Variants in CSMD2 observed in about 807,000 individuals in gnomAD.
The protein encoded by CSMD2 is CUB and Sushi multiple domains 2, also known as CUB and sushi domain-containing protein 2.
In CSMD2, 130 loss-of-function variants were observed where a neutral mutation model predicts 398.5. That is an observed-to-expected ratio of 0.33 (90% CI 0.28 to 0.38). The LOEUF (loss-of-function observed/expected upper bound fraction) is 0.38. CSMD2 is among the 10% of genes least tolerant of loss of function. The probability of loss-of-function intolerance (pLI) is 1.00; values close to 1 mark genes in which losing one functional copy is unlikely to be tolerated. For synonymous variants in CSMD2, 1,828 were observed against 1,908.5 expected (o/e 0.96, Z 1.10); for missense variants, 3,829 against 4,764.9 (o/e 0.80, Z 5.78).
chr1:33,838,229 ACTCCTT>A (rs1228314846), intron 6 of CSMD2, among the ~76,000 whole-genome samples: 16 of 151,778 alleles, frequency 1.1e-4, no homozygotes, highest in Non-Finnish European at 1.9e-4. Context: ...TCCTGCCACT[ACTCCTT>A]CTCCAAATCC....
chr1:33,960,840 T>C (rs1353856091), intron 3 of CSMD2, among the ~76,000 whole-genome samples: 4 of 152,218 alleles, frequency 2.6e-5, no homozygotes, highest in Admixed American at 2.6e-4. Flanking sequence ...GGGACATATC[T>C]GGTTTGAGGG....
In CSMD2 at chr1:34,164,840, G is replaced by A. The variant is rs1408692914; in HGVS notation, c.187+71C>T. On this transcript the variant is annotated intron_variant, in intron 1 of 70. Coordinates refer to ENST00000373381, the MANE Select transcript of CSMD2 (RefSeq NM_001281956.2). The surrounding 1 kb of genome is among the most constrained non-coding windows in gnomAD (Gnocchi z 6.2). ...CGGGGGGAGGGACTGGGACCGGGTC[G>A]AGGATGGGTGGGCTCGGGGCTCGGG... 2.1e-5 allele frequency: 25 copies of A among 1,169,662 alleles called. No homozygotes were observed. Among genetic ancestry groups the A allele is most frequent in the Admixed American group, 4.5e-5 (1 of 22,272 alleles). The allele number at this position is 1,169,662 out of a possible 1,614,324, so 72.5% of individuals were successfully genotyped here. A position where few individuals can be genotyped will look rare whatever the true frequency, so the allele number is the denominator to read the frequency against.
chr1:34,093,829 ACT>A (rs1288079333), intron 1 of CSMD2, among the ~76,000 whole-genome samples: 2 of 152,126 alleles, frequency 1.3e-5, no homozygotes, highest in East Asian at 3.9e-4. Flanking sequence ...GTTGGAAAAC[ACT>A]CTGCAGGATA....
intron 22 of CSMD2, among the ~76,000 whole-genome samples, chr1:33,703,609 T>C (rs896889711): frequency 2.0e-5 from 3 of 152,194 alleles, no homozygotes; most frequent in African/African-American, 7.2e-5. Flanking sequence ...CTATACACAA[T>C]TACAAACAAT....
intron 32 of CSMD2, among the ~76,000 whole-genome samples, chr1:33,627,794 T>C (rs113903428): frequency 2.2e-4 from 34 of 152,278 alleles, no homozygotes; most frequent in African/African-American, 7.0e-4. Context: ...ATCACTGCCA[T>C]CTCCAACTCC....
chr1:33,852,001 C>A (rs988223703), intron 5 of CSMD2, among the ~76,000 whole-genome samples: 1 of 152,018 alleles, frequency 6.6e-6, no homozygotes, highest in Non-Finnish European at 1.5e-5. Context: ...TTTAAAGATT[C>A]AATTCCCGGC....
chr1:33,988,288 T>C (rs1646429818), intron 3 of CSMD2, among the ~76,000 whole-genome samples: 1 of 152,192 alleles, frequency 6.6e-6, no homozygotes. Flanking sequence ...CCGAGTGACA[T>C]GTGATGGCAC....
intron 19 of CSMD2, among the ~76,000 whole-genome samples, chr1:33,721,337 G>A (rs1321154136): frequency 6.6e-6 from 1 of 151,140 alleles, no homozygotes; most frequent in Non-Finnish European, 1.5e-5. Flanking sequence ...GGCTTGTTCA[G>A]CTGTTTTCCT....
chr1:33,995,615 C>T lies in CSMD2; in HGVS notation c.517+36979G>A, dbSNP rs546661569. On this transcript the variant is annotated intron_variant, in intron 3 of 70. Coordinates refer to ENST00000373381, the MANE Select transcript of CSMD2 (RefSeq NM_001281956.2). ...GAGATCCTGCTCAGCTCTCAGGAGA[C>T]AGAAAAACATGGCAGCTATCTCACC... is the stretch of plus-strand genomic sequence containing the variant. 2.0e-5 allele frequency among the ~76,000 whole-genome samples: 3 copies of T among 152,280 alleles called. No individual in the cohort carries two copies. In the East Asian group the frequency reaches 5.8e-4, roughly 29 times the overall value.
chr1:33,708,282 G>T (rs1260041205), intron 22 of CSMD2, among the ~76,000 whole-genome samples: 1 of 151,922 alleles, frequency 6.6e-6, no homozygotes, highest in Non-Finnish European at 1.5e-5. Context: ...GGCCATCATC[G>T]TAGTACACTG....
chr1:34,001,231 T>G (rs529664890), intron 3 of CSMD2, among the ~76,000 whole-genome samples: 1 of 152,158 alleles, frequency 6.6e-6, no homozygotes, highest in South Asian at 2.1e-4. Flanking sequence ...CAAAAGAAAT[T>G]CAACATATCC....
intron 3 of CSMD2, among the ~76,000 whole-genome samples, chr1:34,011,401 G>A (rs1647304780): frequency 1.3e-5 from 2 of 152,238 alleles, no homozygotes; most frequent in African/African-American, 2.4e-5. Context: ...TTTGCTCTGA[G>A]GTGAGGTAAA....
intron 1 of CSMD2, among the ~76,000 whole-genome samples, chr1:34,110,501 G>T (rs1364007590): frequency 6.6e-6 from 1 of 151,776 alleles, no homozygotes; most frequent in Admixed American, 6.6e-5. Flanking sequence ...ACCATGGAAT[G>T]CTATCCAGCC....
At chr1:33,833,439 C>G (rs549386939) in intron 6 of CSMD2, among the ~76,000 whole-genome samples, 11 of 151,076 alleles carry the variant, frequency 7.3e-5, no homozygotes, top group South Asian at 4.3e-4. Flanking sequence ...AGGCCTTTGA[C>G]AAAATTCAAC....
chr1:33,974,683 G>A (rs1645896250), intron 3 of CSMD2, among the ~76,000 whole-genome samples: 1 of 152,148 alleles, frequency 6.6e-6, no homozygotes, highest in Non-Finnish European at 1.5e-5. Context: ...CTCAGCACAG[G>A]GCTCGACACA....
At chr1:33,674,546 C>A (rs1056873670) in intron 25 of CSMD2, among the ~76,000 whole-genome samples, 1 of 152,156 alleles carries the variant, frequency 6.6e-6, no homozygotes, top group Non-Finnish European at 1.5e-5. Flanking sequence ...TTAGACAGAT[C>A]AACAAGACAG....
intron 1 of CSMD2, among the ~76,000 whole-genome samples, chr1:34,125,066 T>C (rs978753606): frequency 1.3e-5 from 2 of 152,202 alleles, no homozygotes; most frequent in African/African-American, 4.8e-5. Flanking sequence ...TATATCCAGC[T>C]AACGTAATTA....
At chr1:33,548,719 G>C (rs2148621887) in intron 56 of CSMD2, among the ~76,000 whole-genome samples, 1 of 152,282 alleles carries the variant, frequency 6.6e-6, no homozygotes, top group Middle Eastern at 3.4e-3. Flanking sequence ...TCATCCAAGG[G>C]ATTTAAGGTT....
intron 43 of CSMD2, 133 bp from the exon 44 acceptor site, chr1:33,601,143 A>C (rs1640190483): frequency 1.7e-6 from 2 of 1,166,480 alleles, no homozygotes; most frequent in Admixed American, 2.3e-5. Context: ...ACTTCCCCAC[A>C]CCATGCCCTA....
Sources: allele counts gnomAD v4.1 joint callset (sites outside exome capture counted in the v4.1 genomes callset), GRCh38; gene constraint gnomAD v4.1.1; non-coding constraint Gnocchi (gnomAD v3.1); transcripts MANE v1.5; gene names NCBI Gene and HGNC (gene_info 2026-07-23, HGNC 2026-07-21).